The following PIEZO2 variants were observed in gnomAD, a reference collection of about 807,000 sequenced individuals.
PIEZO2 encodes the protein piezo-type mechanosensitive ion channel component 2.
Under a neutral mutation model 337.3 loss-of-function variants are expected in PIEZO2, and 172 were observed. The ratio of observed to expected loss-of-function variants is 0.51; its 90% CI spans 0.45 to 0.58. PIEZO2 has a LOEUF of 0.58. Among genes scored for constraint, PIEZO2 ranks in the 20% least tolerant of loss-of-function variants. The pLI, the probability that PIEZO2 is intolerant of heterozygous loss-of-function variation, is 0.00. For synonymous variants in PIEZO2, 1,251 were observed against 1,228.5 expected (o/e 1.02, Z -0.38); for missense variants, 3,028 against 3,391.3 (o/e 0.89, Z 2.66).
intron 35 of PIEZO2, among the ~76,000 whole-genome samples, chr18:10,732,815 A>G (rs1197273023): frequency 6.6e-6 from 1 of 152,214 alleles, no homozygotes; most frequent in Non-Finnish European, 1.5e-5. Context: ...TCTTTGAGTT[A>G]TAGTACATTA....
chr18:10,760,709 G>A (rs1049736112), intron 24 of PIEZO2, among the ~76,000 whole-genome samples: 5 of 152,224 alleles, frequency 3.3e-5, no homozygotes, highest in Non-Finnish European at 5.9e-5. Context: ...GCACTGCTGT[G>A]GAGGGGGGTG....
intron 42 of PIEZO2, 91 bp downstream of exon 42, chr18:10,704,303 C>A: frequency 6.8e-7 from 1 of 1,462,414 alleles, no homozygotes; most frequent in Non-Finnish European, 9.1e-7. Context: ...TCAGGGCAGG[C>A]CCGTCTCAAG....
chr18:11,031,508 G>A lies in PIEZO2; in HGVS notation c.160+34619C>T, dbSNP rs2036737330. On this transcript the variant is annotated intron_variant, in intron 2 of 55. Coordinates refer to ENST00000674853, the MANE Select transcript of PIEZO2 (RefSeq NM_001378183.1). This position sits in a 1 kb window ranked among gnomAD's most constrained non-coding sequence, Gnocchi z 4.7. ...CAAAATAGCTGAATTTTATAACACT[G>A]GAACTTATACTATTTGATATTTTAA... 6.6e-6 allele frequency among the ~76,000 whole-genome samples: 1 copy of A among 152,160 alleles called. No individual in the cohort carries two copies. Among genetic ancestry groups the A allele is most frequent in the Non-Finnish European group, 1.5e-5 (1 of 68,010 alleles).
At chr18:10,811,124 C>CACTT (rs1217408926) in intron 7 of PIEZO2, among the ~76,000 whole-genome samples, 16 of 152,202 alleles carry the variant, frequency 1.1e-4, no homozygotes, top group African/African-American at 3.9e-4. Context: ...TTTCCCAGCA[C>CACTT]ACTTCATTCA....
At chr18:10,685,718 C>G (rs1325650133) in intron 49 of PIEZO2, among the ~76,000 whole-genome samples, 1 of 152,188 alleles carries the variant, frequency 6.6e-6, no homozygotes, top group Non-Finnish European at 1.5e-5. Context: ...TTGGAAACCC[C>G]CTTCCTAAGC....
intron 4 of PIEZO2, among the ~76,000 whole-genome samples, chr18:10,898,404 G>C (rs2042960400): frequency 6.6e-6 from 1 of 151,940 alleles, no homozygotes; most frequent in Non-Finnish European, 1.5e-5. Context: ...CTGGGCGACA[G>C]AGCGAGACTC....
At chr18:11,064,056 A>G (rs988802721) in intron 2 of PIEZO2, among the ~76,000 whole-genome samples, 1 of 152,182 alleles carries the variant, frequency 6.6e-6, no homozygotes, top group Non-Finnish European at 1.5e-5. Context: ...GTCCTCGCAT[A>G]AATCTCATAT....
chr18:11,054,315 C>T (rs1201210012), intron 2 of PIEZO2, among the ~76,000 whole-genome samples: 1 of 152,124 alleles, frequency 6.6e-6, no homozygotes, highest in African/African-American at 2.4e-5. Context: ...AAGCCAAATC[C>T]CATGGCTTAT....
rs764824184 is a variant in PIEZO2 at position 10,863,870 on chromosome 18, T to TCA, written c.493-6661_493-6660dup. ...GAACACAATCAAAACAAATCAGCAG[T>TCA]CACACACACACACACCTATATCATC... On this transcript the variant is annotated intron_variant, in intron 5 of 55. Coordinates refer to ENST00000674853, the MANE Select transcript of PIEZO2 (RefSeq NM_001378183.1). The surrounding 1 kb of genome is among the most constrained non-coding windows in gnomAD (Gnocchi z 4.3). 1.1e-4 allele frequency among the ~76,000 whole-genome samples: 17 copies of TCA among 151,336 alleles called. No homozygotes were observed. In the East Asian group the frequency reaches 1.7e-3, roughly 16 times the overall value.
At chr18:10,918,309 GAC>G (rs1397140372) in intron 3 of PIEZO2, among the ~76,000 whole-genome samples, 7 of 151,960 alleles carry the variant, frequency 4.6e-5, no homozygotes, top group African/African-American at 1.4e-4. Flanking sequence ...CATATTTAAT[GAC>G]ACATTGTTTT....
Position 10,742,492 on chromosome 18 carries a change from A to T in PIEZO2, c.4636+2T>A. On this transcript the variant is annotated splice_donor_variant, in intron 32 of 55. Transcript: ENST00000674853. LOFTEE classifies it high-confidence loss of function. ...GAATAAGAGGAAAATGTCTTGACAT[A>T]CTTTCATCATCCTCTTCAGAGAGTT... 6.5e-7 allele frequency: 1 copy of T among 1,537,202 alleles called. No individual in the cohort carries two copies. Among genetic ancestry groups the T allele is most frequent in the Non-Finnish European group, 8.7e-7 (1 of 1,146,882 alleles).
chr18:11,119,632 G>C (rs2039980534), intron 1 of PIEZO2, among the ~76,000 whole-genome samples: 1 of 152,098 alleles, frequency 6.6e-6, no homozygotes. Flanking sequence ...TTAGAGTAGG[G>C]ACGAGGCAAC....
intron 2 of PIEZO2, among the ~76,000 whole-genome samples, chr18:11,044,722 A>G (rs1253645652): frequency 6.6e-6 from 1 of 152,216 alleles, no homozygotes; most frequent in Admixed American, 6.5e-5. Context: ...TAGCATTGCT[A>G]TGAAGATAGA....
At chr18:11,107,163 G>T (rs892351852) in intron 1 of PIEZO2, among the ~76,000 whole-genome samples, 1 of 152,192 alleles carries the variant, frequency 6.6e-6, no homozygotes, top group Non-Finnish European at 1.5e-5. Flanking sequence ...CATTTCTATA[G>T]AAATGGTGCA....
chr18:10,974,098 C>T (rs912140177), intron 3 of PIEZO2, among the ~76,000 whole-genome samples: 1 of 152,178 alleles, frequency 6.6e-6, no homozygotes, highest in Non-Finnish European at 1.5e-5. Context: ...CAGTGGCTCA[C>T]TCTGTAGTCC....
chr18:11,143,967 A>G lies in PIEZO2; in HGVS notation c.64+4558T>C, dbSNP rs146407282. Among the ~76,000 whole-genome samples the G allele has an allele frequency of 6.6e-6, 1 of 152,180 alleles. No individual in the cohort carries two copies. The highest frequency in any genetic ancestry group is 1.5e-5 in the Non-Finnish European group (1 of 68,032). On this transcript the variant is annotated intron_variant, in intron 1 of 55. Transcript: ENST00000674853. This position sits in a 1 kb window ranked among gnomAD's most constrained non-coding sequence, Gnocchi z 4.9. ...ACCATAATAGAATATGTTATTTACC[A>G]TTTTACAGAAAGAAAAGAGAAACAA...
intron 21 of PIEZO2, 109 bp downstream of exon 21, chr18:10,770,030 GTCTTGATAC>G: frequency 9.0e-7 from 1 of 1,113,080 alleles, no homozygotes; most frequent in South Asian, 1.7e-5. Context: ...TAGTCTTGGA[GTCTTGATAC>G]TCCGATGTAA....
intron 4 of PIEZO2, among the ~76,000 whole-genome samples, chr18:10,896,444 A>G (rs927804291): frequency 1.8e-4 from 28 of 152,224 alleles, no homozygotes; most frequent in Admixed American, 1.5e-3. Flanking sequence ...CACTCAGTCC[A>G]ATATGGAATT....
intron 32 of PIEZO2, 49 bp downstream of exon 32, chr18:10,742,445 C>T: frequency 3.3e-6 from 5 of 1,526,394 alleles, no homozygotes; most frequent in Non-Finnish European, 4.4e-6. Flanking sequence ...CAATATCATG[C>T]TATTATTCAA....
Sources: gnomAD v4.1 joint callset for allele counts (sites outside exome capture counted in the v4.1 genomes callset) on GRCh38, gnomAD v4.1.1 for gene constraint, Gnocchi (gnomAD v3.1) non-coding constraint, MANE v1.5 for transcripts, NCBI Gene and HGNC (gene_info 2026-07-23, HGNC 2026-07-21) for gene names.